PDZRN3: variants seen among roughly 807,000 people sequenced by gnomAD.
PDZRN3 encodes E3 ubiquitin-protein ligase PDZRN3.
PDZRN3 carries 38 observed loss-of-function variants against 85.7 expected under a neutral mutation model. The observed-to-expected ratio is 0.44, with a 90% confidence interval of 0.34 to 0.58. The LOEUF (loss-of-function observed/expected upper bound fraction) is 0.58, where lower values mean the gene tolerates loss of function less well. PDZRN3 is among the 20% of genes least tolerant of loss of function. The pLI is 0.01. For missense variants in PDZRN3, 1,629 were observed against 1,506.4 expected (o/e 1.08, Z -1.35); for synonymous variants, 759 against 638.0 (o/e 1.19, Z -2.86).
intron 3 of PDZRN3, among the ~76,000 whole-genome samples, chr3:73,436,970 C>T (rs781535544): frequency 2.0e-4 from 30 of 150,048 alleles, no homozygotes; most frequent in Non-Finnish European, 2.5e-4. Context: ...TGCTTGAACC[C>T]GGGAGGTGGA....
At chr3:73,534,030 T>C (rs1387753919) in intron 3 of PDZRN3, among the ~76,000 whole-genome samples, 2 of 152,220 alleles carry the variant, frequency 1.3e-5, no homozygotes. Context: ...TTATTTTCTA[T>C]TTATTCCCCC....
chr3:73,492,323 T>C (rs1313056126), intron 3 of PDZRN3, among the ~76,000 whole-genome samples: 1 of 152,048 alleles, frequency 6.6e-6, no homozygotes, highest in Non-Finnish European at 1.5e-5. Context: ...GGCTCTGGAG[T>C]AGCTTATATC....
At chr3:73,522,613 C>G (rs1027257543) in intron 3 of PDZRN3, among the ~76,000 whole-genome samples, 1 of 152,130 alleles carries the variant, frequency 6.6e-6, no homozygotes, top group African/African-American at 2.4e-5. Context: ...CTTGGAAGCA[C>G]CTGATAAATG....
chr3:73,478,066 A>G (rs1014503174), intron 3 of PDZRN3, among the ~76,000 whole-genome samples: 2 of 152,210 alleles, frequency 1.3e-5, no homozygotes, highest in Non-Finnish European at 2.9e-5. Context: ...GTGGGGACAC[A>G]GCCAAATGAC....
Position 73,384,219 on chromosome 3 carries a change from C to T in PDZRN3, c.2347G>A (p.Ala783Thr), listed in dbSNP as rs1701292757. ...ISPDNSLRRA[A>T]EGISCPSSEG... ...CTGCTCGGGCAGCTGATGCCCTCCG[C>T]CGCTCTCCTCAAGGAGTTGTCGGGG... The change falls in exon 10 of 10, where the codon GCG becomes ACG. Residue 783 changes from alanine to threonine, a missense_variant. Transcript: ENST00000263666. 2 of 1,613,666 alleles carry T rather than the reference C, an allele frequency of 1.2e-6. No homozygotes were observed. Among genetic ancestry groups the T allele is most frequent in the South Asian group, 1.1e-5 (1 of 91,086 alleles).
chr3:73,385,297 T>TG (rs1301603487), intron 9 of PDZRN3, among the ~76,000 whole-genome samples: 1 of 152,186 alleles, frequency 6.6e-6, no homozygotes, highest in African/African-American at 2.4e-5. Context: ...ACTCTGACAA[T>TG]GGTAGTAGCA....
At chr3:73,562,097 C>T (rs1559739111) in intron 3 of PDZRN3, among the ~76,000 whole-genome samples, 1 of 152,078 alleles carries the variant, frequency 6.6e-6, no homozygotes, top group East Asian at 1.9e-4. Flanking sequence ...GTTTCTAAAA[C>T]AGAATAGAAA....
At chr3:73,559,357 C>T (rs143651819) in intron 3 of PDZRN3, among the ~76,000 whole-genome samples, 1 of 152,086 alleles carries the variant, frequency 6.6e-6, no homozygotes, top group Non-Finnish European at 1.5e-5. Context: ...GGCAACAAAA[C>T]CCCTCAATGA....
In PDZRN3 at chr3:73,441,411, CAAAAAAAAAAA is replaced by C. The variant is rs10656791; in HGVS notation, c.919-37027_919-37017del. ...CTGGTGACATAGTGAGACTCTGTCC[CAAAAAAAAAAA>C]AAAAAAAAAAAGTAAAATACATTCT... On this transcript the variant is annotated intron_variant, in intron 3 of 9. Transcript: ENST00000263666. 5.0e-4 allele frequency among the ~76,000 whole-genome samples: 34 copies of C among 68,170 alleles called. 1 individual carries two copies. Among genetic ancestry groups the C allele is most frequent in the South Asian group, 6.8e-4 (1 of 1,466 alleles). The allele number at this position is 68,170 out of a possible 152,430, so 44.7% of individuals were successfully genotyped here.
Position 73,624,574 on chromosome 3 carries a change from G to A in PDZRN3, c.252C>T (p.Tyr84=), listed in dbSNP as rs1188603309. 8 of 1,543,636 alleles carry A rather than the reference G, an allele frequency of 5.2e-6. No homozygotes were observed. The highest frequency in any genetic ancestry group is 3.9e-5 in the Admixed American group (2 of 51,278). The change falls in exon 1 of 10, where the codon TAC becomes TAT. Residue 84 remains tyrosine (Y), a synonymous_variant. Coordinates refer to ENST00000263666, the MANE Select transcript of PDZRN3 (RefSeq NM_015009.3). ...CCACCCGGCCGCAGCCGCGCGTCGC[G>A]TACGCGCACTTGATGTCCAGCTTGA... The part of the protein sequence containing the change: ...LILKLDIKCA[Y]ATRGCGRVVK...
At chr3:73,567,153 T>C (rs1244231283) in intron 3 of PDZRN3, among the ~76,000 whole-genome samples, 3 of 152,212 alleles carry the variant, frequency 2.0e-5, no homozygotes, top group Non-Finnish European at 2.9e-5. Flanking sequence ...TTCAGCCATA[T>C]GACACAATGT....
intron 3 of PDZRN3, among the ~76,000 whole-genome samples, chr3:73,593,705 A>AAT (rs35560463): frequency 0.076 from 9,505 of 124,762 alleles, 494 homozygotes; most frequent in African/African-American, 0.15. Flanking sequence ...TACCGAAATA[A>AAT]ATATACACAC....
At chr3:73,555,025 C>T (rs758843595) in intron 3 of PDZRN3, among the ~76,000 whole-genome samples, 13 of 152,216 alleles carry the variant, frequency 8.5e-5, no homozygotes, top group Non-Finnish European at 1.5e-4. Flanking sequence ...ATTTTAATCA[C>T]CAGACAAAGC....
intron 3 of PDZRN3, among the ~76,000 whole-genome samples, chr3:73,440,664 G>A (rs1024559236): frequency 6.6e-6 from 1 of 152,154 alleles, no homozygotes; most frequent in African/African-American, 2.4e-5. Context: ...TGTAACCCCT[G>A]AAATGCCTAT....
chr3:73,402,658 A>G (rs1202465266), intron 4 of PDZRN3, among the ~76,000 whole-genome samples: 1 of 152,206 alleles, frequency 6.6e-6, no homozygotes, highest in African/African-American at 2.4e-5. Flanking sequence ...CTGGGTTCCA[A>G]TGACAGCTAG....
chr3:73,543,722 C>T (rs1458470002), intron 3 of PDZRN3, among the ~76,000 whole-genome samples: 2 of 152,222 alleles, frequency 1.3e-5, no homozygotes, highest in Non-Finnish European at 2.9e-5. Flanking sequence ...AGAGAGTTAG[C>T]TCAGCAAAGT....
At chr3:73,483,152 G>T (rs1311846431) in intron 3 of PDZRN3, among the ~76,000 whole-genome samples, 2 of 152,214 alleles carry the variant, frequency 1.3e-5, no homozygotes, top group South Asian at 2.1e-4. Flanking sequence ...AGGCATCTGA[G>T]TGGCTGCTCA....
intron 3 of PDZRN3, among the ~76,000 whole-genome samples, chr3:73,420,137 T>G (rs1702170797): frequency 6.6e-6 from 1 of 152,190 alleles, no homozygotes; most frequent in Non-Finnish European, 1.5e-5. Context: ...GTGAAATGCT[T>G]TTCCTAGAAA....
intron 3 of PDZRN3, among the ~76,000 whole-genome samples, chr3:73,519,983 G>A (rs2106726252): frequency 6.6e-6 from 1 of 152,238 alleles, no homozygotes; most frequent in South Asian, 2.1e-4. Flanking sequence ...TGATGAGAAT[G>A]GCGTTCCTTG....
Sources: allele counts gnomAD v4.1 joint callset (sites outside exome capture counted in the v4.1 genomes callset), GRCh38; gene constraint gnomAD v4.1.1; transcripts MANE v1.5; gene names NCBI Gene and HGNC (gene_info 2026-07-23, HGNC 2026-07-21).